EFCAB7: variants seen among roughly 807,000 people sequenced by gnomAD.
EFCAB7 encodes EF-hand calcium binding domain 7, also known as EF-hand calcium-binding domain-containing protein 7.
In EFCAB7, 66 loss-of-function variants were observed where a neutral mutation model predicts 77.1. The observed-to-expected ratio is 0.86, with a 90% CI of 0.70 to 1.05. The LOEUF (loss-of-function observed/expected upper bound fraction) is 1.05. Among genes scored for constraint, EFCAB7 ranks in the 50% least tolerant of loss-of-function variants. The probability of loss-of-function intolerance (pLI) is 0.00; values close to 1 mark genes in which losing one functional copy is unlikely to be tolerated. For missense variants in EFCAB7, 638 were observed against 730.5 expected (o/e 0.87, Z 1.46); for synonymous variants, 225 against 243.3 (o/e 0.92, Z 0.70).
Position 63,543,957 on chromosome 1 carries a change from TTTTTTTC to T in EFCAB7, c.805-1945_805-1939del, listed in dbSNP as rs1646860639. Among the ~76,000 whole-genome samples the T allele has an allele frequency of 1.9e-4, 28 of 150,446 alleles. No individual in the cohort carries two copies. The South Asian group carries it at 4.8e-3, about 26-fold the overall frequency. On this transcript the variant is annotated intron_variant, in intron 6 of 13. Transcript: ENST00000371088. ...TTTCAAGTTTTATTCTTTTCTTTTCTTTTTTTCTTTTTTCTTTTTTTTTTTTTTTTGA... is the reference window on the plus strand; with the variant it reads ...TTTCAAGTTTTATTCTTTTCTTTTCTTTTTTTCTTTTTTTTTTTTTTTTGA...
At chr1:63,555,255 T>C in intron 8 of EFCAB7, 103 bp from the exon 9 acceptor site, 2 of 1,283,774 alleles carry the variant, frequency 1.6e-6, no homozygotes, top group African/African-American at 1.5e-5. Context: ...GATTTAAAAA[T>C]CATTTCTAAT....
chr1:63,544,393 C>T (rs1253039216), intron 6 of EFCAB7, among the ~76,000 whole-genome samples: 2 of 151,960 alleles, frequency 1.3e-5, no homozygotes, highest in Non-Finnish European at 2.9e-5. Context: ...ATTTTATATT[C>T]ATCGGCATTG....
chr1:63,572,977 A>C (rs1302016026), downstream of EFCAB7, among the ~76,000 whole-genome samples: 1 of 152,090 alleles, frequency 6.6e-6, no homozygotes. Context: ...TTAAGGCAGG[A>C]ACAGGCCATT....
chr1:63,555,581 T>G, intron 9 of EFCAB7, 66 bp downstream of exon 9: 1 of 1,432,156 alleles, frequency 7.0e-7, no homozygotes, highest in Non-Finnish European at 9.4e-7. Context: ...TAGCCTGTGT[T>G]ACTCCCTTTG....
At chr1:63,556,727 T>C (rs1420829228) in intron 9 of EFCAB7, among the ~76,000 whole-genome samples, 1 of 152,078 alleles carries the variant, frequency 6.6e-6, no homozygotes, top group African/African-American at 2.4e-5. Context: ...GTTATCCTCA[T>C]AGAACCCTTC....
rs1256948955 is a variant in EFCAB7 at position 63,534,034 on chromosome 1, G to A, written c.683-61G>A. On this transcript the variant is annotated intron_variant, in intron 5 of 13. Coordinates refer to ENST00000371088, the MANE Select transcript of EFCAB7 (RefSeq NM_032437.4). ...GATCTTTTATACTGCACTGTGTTTG[G>A]AAAAAACTCCTATTGACAACTTTTC... The A allele has an allele frequency of 1.9e-6, 3 of 1,595,988 alleles. No homozygotes were observed. The African/African-American group carries it at 4.0e-5, about 21-fold the overall frequency.
At chr1:63,528,685 A>G (rs947249761) in intron 2 of EFCAB7, among the ~76,000 whole-genome samples, 14 of 152,154 alleles carry the variant, frequency 9.2e-5, no homozygotes, top group African/African-American at 2.4e-4. Flanking sequence ...CCTACTATGT[A>G]TCTCCAAAAA....
intron 10 of EFCAB7, among the ~76,000 whole-genome samples, chr1:63,557,504 G>A (rs984410079): frequency 6.6e-6 from 1 of 152,122 alleles, no homozygotes. Context: ...ACTCTTCGGG[G>A]TTTAGAAGAC....
chr1:63,556,873 CA>C (rs35065020), intron 9 of EFCAB7, among the ~76,000 whole-genome samples: 19,608 of 123,776 alleles, frequency 0.16, 1,388 homozygotes, highest in Middle Eastern at 0.28. Context: ...ACTAAAAATA[CA>C]AAAAAAAAAA....
At chr1:63,540,564 C>T (rs139295966) in intron 6 of EFCAB7, among the ~76,000 whole-genome samples, 5,681 of 152,046 alleles carry the variant, frequency 0.037, 153 homozygotes, top group Non-Finnish European at 0.056. Flanking sequence ...AAACTCTGAA[C>T]CCATATAATC....
At chr1:63,524,021 G>C (rs183005354) in intron 1 of EFCAB7, among the ~76,000 whole-genome samples, 51 of 152,208 alleles carry the variant, frequency 3.4e-4, no homozygotes, top group Admixed American at 1.5e-3. Flanking sequence ...AGTAAGGGAG[G>C]TTTCCAAGCC....
At position 63,531,635 on chromosome 1, in the gene EFCAB7, A is replaced by G. The variant is rs1391268387; in HGVS notation, c.188-185A>G. ...AAAGAATGTTTAGGTGGTGGCATAAATATTTTTGTTTTTCAAAGTCAGGCC... is the reference window on the plus strand; with the variant it reads ...AAAGAATGTTTAGGTGGTGGCATAAGTATTTTTGTTTTTCAAAGTCAGGCC... On this transcript the variant is annotated intron_variant, in intron 2 of 13. Transcript: ENST00000371088. Among the ~76,000 whole-genome samples the G allele has an allele frequency of 3.3e-5, 5 of 152,268 alleles. No homozygotes were observed. In the East Asian group the frequency reaches 9.6e-4, roughly 29 times the overall value.
chr1:63,530,410 TG>T (rs1646675561), intron 2 of EFCAB7, among the ~76,000 whole-genome samples: 1 of 152,232 alleles, frequency 6.6e-6, no homozygotes, highest in Non-Finnish European at 1.5e-5. Context: ...CCTTCTGTGG[TG>T]CTTAGGAAAT....
At chr1:63,540,256 C>T (rs563013220) in intron 6 of EFCAB7, among the ~76,000 whole-genome samples, 5 of 149,284 alleles carry the variant, frequency 3.3e-5, no homozygotes, top group African/African-American at 4.9e-5. Context: ...CCCAGCTACT[C>T]GGGAGGCTGA....
chr1:63,564,764 C>T lies in EFCAB7; in HGVS notation c.1497+2907C>T, dbSNP rs148201155. 5.8e-3 allele frequency among the ~76,000 whole-genome samples: 885 copies of T among 152,122 alleles called. 5 individuals carry two copies. Among genetic ancestry groups the T allele is most frequent in the African/African-American group, 0.02 (849 of 41,512 alleles). On this transcript the variant is annotated intron_variant, in intron 11 of 13. Coordinates refer to ENST00000371088, the MANE Select transcript of EFCAB7 (RefSeq NM_032437.4). ...AGCCCGAATAGCCAAGGCAATCCTACGCAAAAAGAACAAAGCTGGAGGCAT... is the reference window on the plus strand; with the variant it reads ...AGCCCGAATAGCCAAGGCAATCCTATGCAAAAAGAACAAAGCTGGAGGCAT...
chr1:63,540,567 A>G (rs1225374739), intron 6 of EFCAB7, among the ~76,000 whole-genome samples: 1 of 152,086 alleles, frequency 6.6e-6, no homozygotes, highest in African/African-American at 2.4e-5. Context: ...CTCTGAACCC[A>G]TATAATCTCT....
intron 6 of EFCAB7, among the ~76,000 whole-genome samples, chr1:63,539,385 T>C (rs1446839165): frequency 6.6e-6 from 1 of 152,168 alleles, no homozygotes; most frequent in African/African-American, 2.4e-5. Flanking sequence ...AACCAAATAA[T>C]TAAGTTTATC....
intron 6 of EFCAB7, among the ~76,000 whole-genome samples, chr1:63,544,970 G>A (rs1372094038): frequency 6.8e-6 from 1 of 146,842 alleles, no homozygotes; most frequent in Non-Finnish European, 1.5e-5. Flanking sequence ...CCAGGCTAGA[G>A]TGCAATGGTG....
At chr1:63,528,458 G>A (rs2100864326) in intron 2 of EFCAB7, among the ~76,000 whole-genome samples, 1 of 152,006 alleles carries the variant, frequency 6.6e-6, no homozygotes, top group South Asian at 2.1e-4. Flanking sequence ...GGTAGGGGGA[G>A]AAAATAGAAA....
Sources: gnomAD v4.1 joint callset for allele counts (sites outside exome capture counted in the v4.1 genomes callset) on GRCh38, gnomAD v4.1.1 for gene constraint, MANE v1.5 for transcripts, NCBI Gene and HGNC (gene_info 2026-07-23, HGNC 2026-07-21) for gene names.